KPNA7: variants seen among roughly 807,000 people sequenced by gnomAD.
The protein encoded by KPNA7 is importin subunit alpha-8.
In KPNA7, 54 loss-of-function variants were observed where a neutral mutation model predicts 53.7. The observed-to-expected ratio is 1.01, with a 90% CI of 0.81 to 1.26. The LOEUF (loss-of-function observed/expected upper bound fraction) is 1.26. Among genes scored for constraint, KPNA7 ranks in the 50% most tolerant of loss-of-function variants. KPNA7 has a pLI of 0.00. For missense variants in KPNA7, 640 were observed against 644.5 expected (o/e 0.99, Z 0.07); for synonymous variants, 276 against 259.3 (o/e 1.06, Z -0.62).
In KPNA7 at chr7:99,173,728, C is replaced by CAT; in HGVS notation, c.1529_1530dup (p.Glu511MetfsTer4). On this transcript the variant is annotated frameshift_variant, in exon 11 of 11. Transcript: ENST00000327442. LOFTEE classifies it high-confidence loss of function. ...CTTGGCTATTTTTTTGCTAAGCATTCATAATCTATAAATTCATAATCTTGG... is the reference window on the plus strand; with the variant it reads ...CTTGGCTATTTTTTTGCTAAGCATTCATATAATCTATAAATTCATAATCTTGG... 2 of 1,551,332 alleles carry CAT rather than the reference C, an allele frequency of 1.3e-6. No homozygotes were observed. The highest frequency in any genetic ancestry group is 2.4e-5 in the South Asian group (2 of 83,964).
At position 99,187,788 on chromosome 7, in the gene KPNA7, GC is replaced by G. The variant is rs1310400428; in HGVS notation, c.900+511del. ...TTACAGCTGTGAGCCACCGTGCCCG[GC>G]CTTTTTTTTTAAAAAAAAAAAAAAA... is the stretch of plus-strand genomic sequence containing the variant. On this transcript the variant is annotated intron_variant, in intron 7 of 10. Transcript: ENST00000327442. Among the ~76,000 whole-genome samples the G allele has an allele frequency of 3.8e-3, 365 of 97,240 alleles. 2 individuals are homozygous for G. The highest frequency in any genetic ancestry group is 0.014 in the African/African-American group (339 of 24,630). 63.8% of individuals were successfully genotyped at this position (97,240 alleles called of 152,430 possible).
the KPNA7 span, among the ~76,000 whole-genome samples, chr7:99,154,366 C>A: frequency 2.0e-5 from 3 of 151,980 alleles, no homozygotes; most frequent in Admixed American, 6.6e-5. Flanking sequence ...TGACCTCAAG[C>A]AATCCGCCCA....
At chr7:99,203,084 A>G in intron 3 of KPNA7, 22 bp downstream of exon 3, 3 of 1,550,862 alleles carry the variant, frequency 1.9e-6, no homozygotes, top group East Asian at 2.4e-5. Flanking sequence ...GCCCAAGACT[A>G]CTCTAAACAC....
intron 1 of KPNA7, among the ~76,000 whole-genome samples, chr7:99,214,322 A>G (rs1008231471): frequency 1.1e-4 from 17 of 151,662 alleles, no homozygotes; most frequent in African/African-American, 4.1e-4. Context: ...ATGTGCCTGT[A>G]GTCCAAGCTA....
intron 1 of KPNA7, among the ~76,000 whole-genome samples, chr7:99,215,021 C>T (rs979125936): frequency 6.6e-6 from 1 of 152,054 alleles, no homozygotes; most frequent in Non-Finnish European, 1.5e-5. Flanking sequence ...CAAGACAGCA[C>T]TCAGCTCTAA....
At chr7:99,172,414 G>C (rs1409847544), downstream of KPNA7, among the ~76,000 whole-genome samples, 1 of 152,144 alleles carries the variant, frequency 6.6e-6, no homozygotes, top group Non-Finnish European at 1.5e-5. Context: ...AGAAAGTCAT[G>C]GTTCAAAAAT....
Position 99,176,928 on chromosome 7 carries a change from C to T in KPNA7, c.1464+992G>A, listed in dbSNP as rs1380468878. On this transcript the variant is annotated intron_variant, in intron 10 of 10. Coordinates refer to ENST00000327442, the MANE Select transcript of KPNA7 (RefSeq NM_001145715.3). ...GCAGGGACTCTAACAGGCTTACACA[C>T]CCATGTTCATAGCAGTGTATTCACC... Among the ~76,000 whole-genome samples the T allele has an allele frequency of 2.6e-5, 4 of 152,130 alleles. No individual in the cohort carries two copies. In the East Asian group the frequency reaches 7.8e-4, roughly 29 times the overall value.
chr7:99,202,831 G>T (rs1290512482), intron 3 of KPNA7, among the ~76,000 whole-genome samples: 1 of 152,040 alleles, frequency 6.6e-6, no homozygotes, highest in Non-Finnish European at 1.5e-5. Flanking sequence ...GGGTGACAGA[G>T]TGAGACCTGT....
chr7:99,149,864 T>G, the KPNA7 span, among the ~76,000 whole-genome samples: 1 of 152,034 alleles, frequency 6.6e-6, no homozygotes, highest in Non-Finnish European at 1.5e-5. Context: ...TCGGCTCACG[T>G]GCAACCTGCA....
chr7:99,179,322 C>T lies in KPNA7; in HGVS notation c.1318-1256G>A, dbSNP rs568836604. On this transcript the variant is annotated intron_variant, in intron 9 of 10. Transcript: ENST00000327442. ...CTGTAATCCCAGCACTTTGGGAGGCCGAGGTGAGAGGATCACTTGAGCCCA... is the reference window on the plus strand; with the variant it reads ...CTGTAATCCCAGCACTTTGGGAGGCTGAGGTGAGAGGATCACTTGAGCCCA... 3.3e-5 allele frequency among the ~76,000 whole-genome samples: 5 copies of T among 151,818 alleles called. No individual in the cohort carries two copies. The South Asian group carries it at 1.0e-3, about 32-fold the overall frequency.
At chr7:99,209,158 A>G (rs1201933730), upstream of KPNA7, among the ~76,000 whole-genome samples, 1 of 151,956 alleles carries the variant, frequency 6.6e-6, no homozygotes, top group African/African-American at 2.4e-5. Context: ...TCTCAAAAAG[A>G]AAAAGAAAAG....
the KPNA7 span, among the ~76,000 whole-genome samples, chr7:99,158,040 A>G: frequency 6.6e-6 from 1 of 151,670 alleles, no homozygotes. Flanking sequence ...GGTACATGCC[A>G]CCACATTTGG....
intron 1 of KPNA7, among the ~76,000 whole-genome samples, chr7:99,216,590 C>A (rs1458676645): frequency 1.3e-5 from 2 of 151,914 alleles, no homozygotes; most frequent in Non-Finnish European, 2.9e-5. Context: ...GAGATGGAGT[C>A]TGGCTCTGTC....
chr7:99,184,564 GAT>G (rs1466816228), intron 8 of KPNA7, among the ~76,000 whole-genome samples: 4 of 152,136 alleles, frequency 2.6e-5, no homozygotes, highest in Non-Finnish European at 4.4e-5. Context: ...ACCATAGCAT[GAT>G]ATGTTTTTCC....
At chr7:99,152,407 A>G in the KPNA7 span, among the ~76,000 whole-genome samples, 9 of 152,114 alleles carry the variant, frequency 5.9e-5, no homozygotes, top group African/African-American at 2.2e-4. Context: ...AAAAAAAAGT[A>G]AAAATGAGGC....
downstream of KPNA7, among the ~76,000 whole-genome samples, chr7:99,170,310 G>C (rs1798749054): frequency 6.6e-6 from 1 of 151,960 alleles, no homozygotes; most frequent in Non-Finnish European, 1.5e-5. Context: ...GAAGAAGGAG[G>C]CTTGAAAAGG....
intron 7 of KPNA7, among the ~76,000 whole-genome samples, chr7:99,186,893 T>G (rs1789623229): frequency 6.6e-6 from 1 of 152,104 alleles, no homozygotes; most frequent in South Asian, 2.1e-4. Context: ...CAATATTAGG[T>G]AAAATATTAA....
chr7:99,148,328 TCA>T, the KPNA7 span, among the ~76,000 whole-genome samples: 2 of 152,204 alleles, frequency 1.3e-5, no homozygotes, highest in African/African-American at 4.8e-5. Context: ...CAGAAATGTA[TCA>T]GTTCCCTGAG....
the KPNA7 span, among the ~76,000 whole-genome samples, chr7:99,149,693 G>T: frequency 6.6e-6 from 1 of 152,170 alleles, no homozygotes; most frequent in Non-Finnish European, 1.5e-5. Flanking sequence ...TGGTGCCTCT[G>T]AGGCCAGTGG....
Sources: gnomAD v4.1 joint callset for allele counts (sites outside exome capture counted in the v4.1 genomes callset) on GRCh38, gnomAD v4.1.1 for gene constraint, MANE v1.5 for transcripts, NCBI Gene and HGNC (gene_info 2026-07-23, HGNC 2026-07-21) for gene names.